CHST8: variants seen among roughly 807,000 people sequenced by gnomAD.
CHST8 encodes GALNAC-4-ST1.
Under a neutral mutation model 15.0 loss-of-function variants are expected in CHST8, and 10 were observed. The ratio of observed to expected loss-of-function variants is 0.67; its 90% CI spans 0.41 to 1.13. The LOEUF is 1.13. Among genes scored for constraint, CHST8 ranks in the 50% most tolerant of loss-of-function variants. The pLI is 0.00. For synonymous variants in CHST8, 259 were observed against 256.6 expected (o/e 1.01, Z -0.09); for missense variants, 634 against 608.2 (o/e 1.04, Z -0.45).
chr19:33,662,052 A>C (rs1333587201), intron 1 of CHST8, among the ~76,000 whole-genome samples: 1 of 151,760 alleles, frequency 6.6e-6, no homozygotes, highest in African/African-American at 2.4e-5. Flanking sequence ...GAATAAATAA[A>C]AGGATGATTT....
Position 33,732,419 on chromosome 19 carries a change from G to A in CHST8, c.131-38994G>A, listed in dbSNP as rs565086970. Among the ~76,000 whole-genome samples, 9 of 151,916 alleles carry A rather than the reference G, an allele frequency of 5.9e-5. No homozygotes were observed. The East Asian group carries it at 6.0e-4, about 10-fold the overall frequency. On this transcript the variant is annotated intron_variant, in intron 3 of 4. Transcript: ENST00000650847. ...ACTGACTTTACTTCAGACACTGGCC[G>A]CAAGTGGGGTCCCCAGGCCACCTGC...
chr19:33,628,327 A>C (rs764270586), intron 1 of CHST8, among the ~76,000 whole-genome samples: 1 of 152,216 alleles, frequency 6.6e-6, no homozygotes, highest in Non-Finnish European at 1.5e-5. Flanking sequence ...CCATCTGTGC[A>C]GGGTCTTCAC....
At chr19:33,713,830 T>C (rs1973606583) in intron 3 of CHST8, among the ~76,000 whole-genome samples, 3 of 152,148 alleles carry the variant, frequency 2.0e-5, no homozygotes, top group Admixed American at 2.0e-4. Context: ...AGTGTTGGAA[T>C]TACAGGCGTT....
At chr19:33,703,575 G>T (rs545368921) in intron 3 of CHST8, among the ~76,000 whole-genome samples, 1 of 152,220 alleles carries the variant, frequency 6.6e-6, no homozygotes, top group Non-Finnish European at 1.5e-5. Context: ...GGGGCTAGAC[G>T]CACCTTCTGC....
intron 2 of CHST8, among the ~76,000 whole-genome samples, chr19:33,669,180 C>T (rs1474932054): frequency 6.6e-6 from 1 of 152,144 alleles, no homozygotes; most frequent in African/African-American, 2.4e-5. Flanking sequence ...TCTTGGAGCC[C>T]GGGTGTGGAT....
intron 3 of CHST8, among the ~76,000 whole-genome samples, chr19:33,740,757 G>A (rs1974169924): frequency 6.6e-6 from 1 of 152,116 alleles, no homozygotes; most frequent in Non-Finnish European, 1.5e-5. Context: ...CCCAGAACTG[G>A]CATCATATGG....
In CHST8 at chr19:33,740,971, T is replaced by C. The variant is rs533831536; in HGVS notation, c.131-30442T>C. 5.9e-5 allele frequency among the ~76,000 whole-genome samples: 9 copies of C among 152,306 alleles called. No individual in the cohort carries two copies. The South Asian group carries it at 1.9e-3, about 32-fold the overall frequency. On this transcript the variant is annotated intron_variant, in intron 3 of 4. Transcript: ENST00000650847. ...AGAACAGAACCTGGAGCTAAACCCT[T>C]AGAGCGGGGTATCATTGGGAGCTGT...
At chr19:33,643,198 C>T (rs750984108) in intron 1 of CHST8, among the ~76,000 whole-genome samples, 7 of 152,102 alleles carry the variant, frequency 4.6e-5, no homozygotes, top group African/African-American at 1.7e-4. Context: ...GGTGCGTGAG[C>T]GGGCCTATTT....
chr19:33,736,746 A>G (rs1974091475), intron 3 of CHST8, among the ~76,000 whole-genome samples: 1 of 152,118 alleles, frequency 6.6e-6, no homozygotes, highest in Admixed American at 6.5e-5. Context: ...TCCCTACCCC[A>G]TACTGCAGAC....
intron 1 of CHST8, among the ~76,000 whole-genome samples, chr19:33,624,565 C>G (rs915919189): frequency 6.6e-6 from 1 of 152,106 alleles, no homozygotes; most frequent in African/African-American, 2.4e-5. Context: ...GCTAATAAGT[C>G]TGGGAAAGTT....
intron 3 of CHST8, among the ~76,000 whole-genome samples, chr19:33,766,098 T>A (rs1460690123): frequency 1.3e-5 from 2 of 152,222 alleles, no homozygotes; most frequent in East Asian, 3.9e-4. Flanking sequence ...CAGAATCACA[T>A]GAGCCAGTTT....
At chr19:33,726,114 G>A (rs1973892871) in intron 3 of CHST8, among the ~76,000 whole-genome samples, 1 of 152,210 alleles carries the variant, frequency 6.6e-6, no homozygotes, top group African/African-American at 2.4e-5. Context: ...CAACCGGGCA[G>A]AAGGCCCTCA....
chr19:33,765,833 T>C (rs1431121992), intron 3 of CHST8, among the ~76,000 whole-genome samples: 1 of 152,154 alleles, frequency 6.6e-6, no homozygotes, highest in Non-Finnish European at 1.5e-5. Context: ...GTGCTGGGAT[T>C]ACAGGTGTGA....
At chr19:33,747,411 C>T (rs1250535730) in intron 3 of CHST8, among the ~76,000 whole-genome samples, 1 of 152,212 alleles carries the variant, frequency 6.6e-6, no homozygotes, top group Non-Finnish European at 1.5e-5. Context: ...TGGTAAACCC[C>T]TTCTCCAGGG....
intron 1 of CHST8, among the ~76,000 whole-genome samples, chr19:33,655,064 T>G (rs1972493299): frequency 6.6e-6 from 1 of 152,140 alleles, no homozygotes; most frequent in African/African-American, 2.4e-5. Flanking sequence ...TCTGACAGGG[T>G]CTGGCTCTGT....
At chr19:33,662,465 G>A (rs1478674179) in intron 1 of CHST8, among the ~76,000 whole-genome samples, 1 of 152,130 alleles carries the variant, frequency 6.6e-6, no homozygotes, top group Non-Finnish European at 1.5e-5. Context: ...TCCACTCTAG[G>A]TCTCACCTTG....
intron 3 of CHST8, among the ~76,000 whole-genome samples, chr19:33,743,926 G>T (rs946503130): frequency 6.6e-6 from 1 of 152,054 alleles, no homozygotes; most frequent in East Asian, 1.9e-4. Context: ...CAAGTAGCTG[G>T]GATTACAGGC....
intron 2 of CHST8, among the ~76,000 whole-genome samples, chr19:33,674,435 T>C (rs1972783937): frequency 6.6e-6 from 1 of 152,206 alleles, no homozygotes; most frequent in African/African-American, 2.4e-5. Context: ...ACGGCTCCCA[T>C]GCCTGGCTTA....
At chr19:33,726,689 A>G (rs1246621712) in intron 3 of CHST8, among the ~76,000 whole-genome samples, 1 of 152,094 alleles carries the variant, frequency 6.6e-6, no homozygotes, top group Non-Finnish European at 1.5e-5. Context: ...CCACCTCTCG[A>G]CAGCAGTGCT....
Sources: allele counts gnomAD v4.1 joint callset (sites outside exome capture counted in the v4.1 genomes callset), GRCh38; gene constraint gnomAD v4.1.1; transcripts MANE v1.5; gene names NCBI Gene and HGNC (gene_info 2026-07-23, HGNC 2026-07-21).